Variants in KHDRBS2 observed in about 807,000 individuals in gnomAD.
KHDRBS2 encodes the protein KH domain-containing, RNA-binding, signal transduction-associated protein 2.
Under a neutral mutation model 44.3 loss-of-function variants are expected in KHDRBS2, and 26 were observed. The ratio of observed to expected loss-of-function variants is 0.59; its 90% CI spans 0.43 to 0.81. The LOEUF is 0.81. Ranked by LOEUF, KHDRBS2 falls within the 40% of genes least tolerant of loss-of-function variation. KHDRBS2 has a pLI of 0.00. For missense variants in KHDRBS2, 476 were observed against 433.1 expected (o/e 1.10, Z -0.88); for synonymous variants, 194 against 151.1 (o/e 1.28, Z -2.08).
chr6:61,759,316 C>A (rs1284429922), intron 6 of KHDRBS2, among the ~76,000 whole-genome samples: 2 of 152,028 alleles, frequency 1.3e-5, no homozygotes, highest in Non-Finnish European at 2.9e-5. Flanking sequence ...TATGGTTTTG[C>A]ATTTTTGTCT....
chr6:61,615,118 A>G, the KHDRBS2 span, among the ~76,000 whole-genome samples: 4 of 150,626 alleles, frequency 2.7e-5, no homozygotes, highest in Admixed American at 1.3e-4. Context: ...CTGTAATCCC[A>G]GCTACTCGGG....
the KHDRBS2 span, among the ~76,000 whole-genome samples, chr6:61,636,158 C>A: frequency 1.3e-5 from 2 of 152,026 alleles, no homozygotes; most frequent in Middle Eastern, 3.2e-3. Flanking sequence ...CCCAGAACTG[C>A]CATTATAACA....
the KHDRBS2 span, among the ~76,000 whole-genome samples, chr6:61,573,987 C>T: frequency 6.6e-6 from 1 of 152,066 alleles, no homozygotes; most frequent in African/African-American, 2.4e-5. Context: ...ATGCCAAATA[C>T]TTACAGCCAA....
At chr6:61,843,261 G>C (rs1272068750) in intron 6 of KHDRBS2, among the ~76,000 whole-genome samples, 1 of 151,722 alleles carries the variant, frequency 6.6e-6, no homozygotes, top group East Asian at 1.9e-4. Flanking sequence ...TTTGGTGATG[G>C]TTGCACAACT....
chr6:61,881,236 C>T (rs1040495810), intron 6 of KHDRBS2, among the ~76,000 whole-genome samples: 2 of 151,880 alleles, frequency 1.3e-5, no homozygotes, highest in African/African-American at 4.8e-5. Flanking sequence ...TTCTTCTCTC[C>T]TTGCAATATC....
intron 6 of KHDRBS2, among the ~76,000 whole-genome samples, chr6:61,763,631 A>G (rs1458385566): frequency 6.6e-6 from 1 of 152,160 alleles, no homozygotes; most frequent in African/African-American, 2.4e-5. Flanking sequence ...ATCATATTTT[A>G]TACAATGAAA....
At chr6:62,047,148 G>A (rs1016935470) in intron 3 of KHDRBS2, among the ~76,000 whole-genome samples, 2 of 151,830 alleles carry the variant, frequency 1.3e-5, no homozygotes, top group Non-Finnish European at 2.9e-5. Context: ...GTGTGGCCTG[G>A]TCAAATGATA....
At chr6:62,099,926 C>T (rs1023004459) in intron 2 of KHDRBS2, among the ~76,000 whole-genome samples, 16 of 152,178 alleles carry the variant, frequency 1.1e-4, no homozygotes, top group African/African-American at 3.4e-4. Context: ...TTTCAATTTT[C>T]AAGTCCTATT....
chr6:61,855,978 C>T (rs1796096568), intron 6 of KHDRBS2, among the ~76,000 whole-genome samples: 1 of 152,074 alleles, frequency 6.6e-6, no homozygotes, highest in Non-Finnish European at 1.5e-5. Context: ...GCTTTAGGCT[C>T]TGCTTTTGTC....
At chr6:61,894,566 G>A in intron 6 of KHDRBS2, 69 bp downstream of exon 6, 1 of 1,278,406 alleles carries the variant, frequency 7.8e-7, no homozygotes, top group Non-Finnish European at 1.1e-6. Flanking sequence ...TATATGAACA[G>A]TTTGAGACGT....
At position 61,895,407 on chromosome 6, in the gene KHDRBS2, A is replaced by G. The variant is rs116506065; in HGVS notation, c.612-574T>C. Among the ~76,000 whole-genome samples the G allele has an allele frequency of 4.5e-3, 688 of 152,316 alleles. 4 individuals are homozygous for G. Among genetic ancestry groups the G allele is most frequent in the Non-Finnish European group, 8.1e-3 (552 of 68,020 alleles). ...TTTACTATAGCTGCTTAAGTTTGAG[A>G]TTACTTGAAATCACAACTCTTTGTC... On this transcript the variant is annotated intron_variant, in intron 5 of 8. Coordinates refer to ENST00000281156, the MANE Select transcript of KHDRBS2 (RefSeq NM_152688.4).
chr6:62,118,801 C>T (rs1437485888), intron 2 of KHDRBS2, among the ~76,000 whole-genome samples: 2 of 152,196 alleles, frequency 1.3e-5, no homozygotes, highest in East Asian at 3.9e-4. Context: ...AGCTTTTGGA[C>T]TCTTTGGCTT....
chr6:62,174,645 C>T (rs946324617), intron 2 of KHDRBS2, among the ~76,000 whole-genome samples: 1 of 151,642 alleles, frequency 6.6e-6, no homozygotes, highest in African/African-American at 2.4e-5. Context: ...GTAGTAAAGT[C>T]TTGAGAGGGC....
chr6:61,676,991 A>C (rs1198158989), downstream of KHDRBS2, among the ~76,000 whole-genome samples: 1 of 151,874 alleles, frequency 6.6e-6, no homozygotes, highest in East Asian at 1.9e-4. Flanking sequence ...ACTCAAAATG[A>C]AGTTATCTGA....
intron 6 of KHDRBS2, among the ~76,000 whole-genome samples, chr6:61,862,142 A>G (rs2127295730): frequency 6.6e-6 from 1 of 152,224 alleles, no homozygotes; most frequent in South Asian, 2.1e-4. Context: ...GATTTTGTAG[A>G]TAAAGGAAAC....
At chr6:62,020,014 C>G (rs1781962954) in intron 3 of KHDRBS2, among the ~76,000 whole-genome samples, 1 of 151,638 alleles carries the variant, frequency 6.6e-6, no homozygotes, top group Non-Finnish European at 1.5e-5. Context: ...AAGTTGAGGT[C>G]ATCGATTTTA....
chr6:62,270,178 T>A (rs756633832), intron 1 of KHDRBS2, among the ~76,000 whole-genome samples: 17 of 151,976 alleles, frequency 1.1e-4, no homozygotes, highest in Non-Finnish European at 1.5e-4. Context: ...TGGGAGTGGA[T>A]CCCTCATTAA....
chr6:61,743,712 T>C (rs1307332893), intron 6 of KHDRBS2, among the ~76,000 whole-genome samples: 3 of 152,142 alleles, frequency 2.0e-5, no homozygotes, highest in South Asian at 4.2e-4. Flanking sequence ...ACATTTGCCA[T>C]GTTGGTGTGC....
intron 2 of KHDRBS2, among the ~76,000 whole-genome samples, chr6:62,071,712 G>A (rs1453927766): frequency 1.3e-5 from 2 of 152,086 alleles, no homozygotes; most frequent in African/African-American, 2.4e-5. Flanking sequence ...CTCTGTTTTG[G>A]TACCAGTACC....
Sources: allele counts gnomAD v4.1 joint callset (sites outside exome capture counted in the v4.1 genomes callset), GRCh38; gene constraint gnomAD v4.1.1; transcripts MANE v1.5; gene names NCBI Gene and HGNC (gene_info 2026-07-23, HGNC 2026-07-21).